ENTR1: variants seen among roughly 807,000 people sequenced by gnomAD.
ENTR1 encodes the protein endosome associated trafficking regulator 1, also known as endosome-associated-trafficking regulator 1.
Under a neutral mutation model 47.9 loss-of-function variants are expected in ENTR1, and 47 were observed. That is an observed-to-expected ratio of 0.98 (90% CI 0.78 to 1.25). The LOEUF is 1.25. ENTR1 is among the 50% of genes most tolerant of loss of function. The pLI, the probability that ENTR1 is intolerant of heterozygous loss-of-function variation, is 0.00. For missense variants in ENTR1, 668 were observed against 570.5 expected, an observed-to-expected ratio of 1.17 and a Z score of -1.74; for synonymous variants, 290 against 245.8, an observed-to-expected ratio of 1.18 and a Z score of -1.68.
At chr9:136,406,908 A>C in intron 5 of ENTR1, 1 of 505,136 alleles carries the variant, frequency 2.0e-6, no homozygotes. Context: ...CAGCCCTGTA[A>C]GTGCCCAACT....
rs543189563 is a variant in ENTR1 at position 136,408,451 on chromosome 9, G to A, written c.290-513C>T. On this transcript the variant is annotated intron_variant, in intron 3 of 9. Transcript: ENST00000357365. ...AAATTAGCCAGGCGTGGTGGTGAGC[G>A]CCTGTAGTCCCAGCTACTCGGGAGG... Among the ~76,000 whole-genome samples, 28 of 152,094 alleles carry A rather than the reference G, an allele frequency of 1.8e-4. 1 individual carries two copies. In the South Asian group the frequency reaches 3.3e-3, roughly 18 times the overall value.
intron 7 of ENTR1, 46 bp from the exon 8 acceptor site, chr9:136,404,739 T>C (rs765172374): frequency 2.5e-6 from 4 of 1,597,954 alleles, no homozygotes; most frequent in Non-Finnish European, 1.7e-6. Flanking sequence ...ACTGATGTCC[T>C]CACATTCATA....
At chr9:136,408,397 T>C (rs1834887576) in intron 3 of ENTR1, among the ~76,000 whole-genome samples, 1 of 151,908 alleles carries the variant, frequency 6.6e-6, no homozygotes, top group Admixed American at 6.6e-5. Context: ...GCTAACACGG[T>C]GAAACCTCAT....
Position 136,407,179 on chromosome 9 carries a change from C to T in ENTR1, c.785G>A (p.Arg262Lys). The T allele has an allele frequency of 5.0e-6, 8 of 1,607,564 alleles. No homozygotes were observed. The highest frequency in any genetic ancestry group is 6.8e-6 in the Non-Finnish European group (8 of 1,175,756). ...ACTTATCTGCAGCGTCCGCAGGTGCCTGTCTCCCAGAGACTCTCCATGAAC... is the reference window on the plus strand; with the variant it reads ...ACTTATCTGCAGCGTCCGCAGGTGCTTGTCTCCCAGAGACTCTCCATGAAC... ...FAVHGESLGD[R>K]HLRTLQISYD... The change falls in exon 5 of 10, where the codon AGG becomes AAG. Residue 262 changes from arginine (R) to lysine (K), a missense_variant. Physicochemically the swap from Arg to Lys is conservative, Grantham distance 26. Coordinates refer to ENST00000357365, the MANE Select transcript of ENTR1 (RefSeq NM_001039707.2).
chr9:136,404,413 A>G (rs1401563405), intron 8 of ENTR1, among the ~76,000 whole-genome samples: 1 of 152,142 alleles, frequency 6.6e-6, no homozygotes. Context: ...GACTCCTACA[A>G]GTGGATGCCC....
At chr9:136,409,846 C>A in intron 2 of ENTR1, 1 of 646,444 alleles carries the variant, frequency 1.5e-6, no homozygotes, top group African/African-American at 1.8e-5. Flanking sequence ...GGAAAGCGGG[C>A]GGGCTCCTGT....
chr9:136,404,574 T>C, intron 8 of ENTR1, 57 bp downstream of exon 8: 3 of 1,569,256 alleles, frequency 1.9e-6, no homozygotes, highest in Non-Finnish European at 2.6e-6. Context: ...TCTTACTGAA[T>C]TCATTATGTG....
In ENTR1 at chr9:136,405,339, G is replaced by A. The variant is rs1185241008; in HGVS notation, c.894-137C>T. 6.3e-5 allele frequency: 42 copies of A among 667,004 alleles called. 1 individual carries two copies. In the South Asian group the frequency reaches 6.6e-4, roughly 10 times the overall value. 41.3% of individuals were successfully genotyped at this position (667,004 alleles called of 1,614,324 possible). A position where few individuals can be genotyped will look rare whatever the true frequency, so the allele number is the denominator to read the frequency against. On this transcript the variant is annotated intron_variant, in intron 6 of 9. Transcript: ENST00000357365. ...TCTCAGGCACAGAGGGGAGGCAGCG[G>A]CAGCCTCAGGCCTGGACCTGTAGCC... is the stretch of plus-strand genomic sequence containing the variant.
intron 8 of ENTR1, 134 bp downstream of exon 8, chr9:136,404,497 T>C (rs892553717): frequency 3.1e-6 from 3 of 971,840 alleles, no homozygotes; most frequent in Non-Finnish European, 4.7e-6. Flanking sequence ...AAGCGGCTGC[T>C]GTCCTCATTT....
At chr9:136,409,273 T>C (rs927720295) in intron 2 of ENTR1, among the ~76,000 whole-genome samples, 3 of 151,582 alleles carry the variant, frequency 2.0e-5, no homozygotes, top group Admixed American at 6.6e-5. Context: ...CTCCGCCTCC[T>C]GGGTTCACGC....
At chr9:136,407,073 G>T in intron 5 of ENTR1, 72 bp downstream of exon 5, 5 of 1,459,144 alleles carry the variant, frequency 3.4e-6, no homozygotes, top group Non-Finnish European at 4.6e-6. Context: ...GAGGTAGGAT[G>T]GCTCCAGGTT....
rs1834524335 is a variant in ENTR1, at chr9:136,402,245, A to G, written c.*543T>C. The G allele has an allele frequency of 6.5e-6, 1 of 153,044 alleles. No individual in the cohort carries two copies. Among genetic ancestry groups the G allele is most frequent in the Non-Finnish European group, 1.5e-5 (1 of 68,524 alleles). The allele number at this position is 153,044 out of a possible 1,614,324, so 9.5% of individuals were successfully genotyped here. On this transcript the variant is annotated 3_prime_UTR_variant, in exon 10 of 10. Transcript: ENST00000357365. ...GTGGGTCCCGGAGGAGGACAGCAGC[A>G]GCCACGCGGTGGCCCCTGCGCACTC...
rs1421230881 is a variant in ENTR1 at position 136,409,895 on chromosome 9, G to T, written c.220+195C>A. On this transcript the variant is annotated intron_variant, in intron 2 of 9. Transcript: ENST00000357365. Reference sequence around the variant, plus strand: ...TAACCATCCTGTACTGGAACTGTCTGTCTTGGGGGAGGTCTCCCCGCAACC... The same window carrying T: ...TAACCATCCTGTACTGGAACTGTCTTTCTTGGGGGAGGTCTCCCCGCAACC... 4 of 748,126 alleles carry T rather than the reference G, an allele frequency of 5.3e-6. No homozygotes were observed. The East Asian group carries it at 1.1e-4, about 20-fold the overall frequency. The allele number at this position is 748,126 out of a possible 1,614,324, so 46.3% of individuals were successfully genotyped here.
chr9:136,403,639 G>A (rs1193306157), intron 9 of ENTR1, among the ~76,000 whole-genome samples: 1 of 152,094 alleles, frequency 6.6e-6, no homozygotes, highest in Non-Finnish European at 1.5e-5. Context: ...TCAGCCCAAT[G>A]GGTGGCAGAC....
intron 6 of ENTR1, among the ~76,000 whole-genome samples, chr9:136,405,553 C>T (rs1251653962): frequency 6.6e-6 from 1 of 152,222 alleles, no homozygotes; most frequent in Non-Finnish European, 1.5e-5. Context: ...GCCTGGGCAA[C>T]ATAGTGAGAC....
At position 136,410,498 on chromosome 9, in the gene ENTR1, C is replaced by T. The variant is rs1224843859; in HGVS notation, c.-101G>A. ...CGGCCCGCGTCGCCCGCCCCCGTCGCCCGCCCCCGTCGCCCGCCGCTCGGC... is the reference window on the plus strand; with the variant it reads ...CGGCCCGCGTCGCCCGCCCCCGTCGTCCGCCCCCGTCGCCCGCCGCTCGGC... On this transcript the variant is annotated 5_prime_UTR_variant, in exon 1 of 10. Transcript: ENST00000357365. 2.4e-5 allele frequency: 23 copies of T among 963,390 alleles called. No homozygotes were observed. The highest frequency in any genetic ancestry group is 1.1e-4 in the Admixed American group (2 of 17,918). The allele number at this position is 963,390 out of a possible 1,614,324, so 59.7% of individuals were successfully genotyped here. A position where few individuals can be genotyped will look rare whatever the true frequency, so the allele number is the denominator to read the frequency against.
intron 2 of ENTR1, among the ~76,000 whole-genome samples, chr9:136,409,393 G>C (rs977790238): frequency 6.6e-6 from 1 of 152,144 alleles, no homozygotes; most frequent in Non-Finnish European, 1.5e-5. Flanking sequence ...CTGTTAGCCA[G>C]GATGGTCTCA....
chr9:136,410,568 C>T lies in ENTR1; in HGVS notation c.-171G>A. On this transcript the variant is annotated 5_prime_UTR_variant, in exon 1 of 10. Coordinates refer to ENST00000357365, the MANE Select transcript of ENTR1 (RefSeq NM_001039707.2). ...CTCTCGCCGCTGCTTCCGCTCCGAG[C>T]ACCGAAAGCGCGTGCCTGAACGCCT... is the stretch of plus-strand genomic sequence containing the variant. 8.6e-7 allele frequency: 1 copy of T among 1,162,696 alleles called. No homozygotes were observed. The highest frequency in any genetic ancestry group is 1.1e-6 in the Non-Finnish European group (1 of 920,756). The allele number at this position is 1,162,696 out of a possible 1,614,324, so 72.0% of individuals were successfully genotyped here.
Position 136,407,896 on chromosome 9 carries a change from A to T in ENTR1, c.332T>A (p.Phe111Tyr), listed in dbSNP as rs934241117. 6 of 1,612,986 alleles carry T rather than the reference A, an allele frequency of 3.7e-6. No individual in the cohort carries two copies. Among genetic ancestry groups the T allele is most frequent in the Non-Finnish European group, 4.2e-6 (5 of 1,179,204 alleles). The change falls in exon 4 of 10, where the codon TTT (phenylalanine) becomes TAT (tyrosine). Residue 111 changes from phenylalanine to tyrosine, a missense_variant. Phe to Tyr is a conservative substitution (Grantham distance 22). Coordinates refer to ENST00000357365, the MANE Select transcript of ENTR1 (RefSeq NM_001039707.2). ...GTTCTTGGTCTTCAGAAACTCTCTA[A>T]AAGAGAATGGATTTGCCTCTTCCAG... ...EDLEEANPFS[F>Y]REFLKTKNLG...
Sources: allele counts gnomAD v4.1 joint callset (sites outside exome capture counted in the v4.1 genomes callset), GRCh38; gene constraint gnomAD v4.1.1; transcripts MANE v1.5; gene names NCBI Gene and HGNC (gene_info 2026-07-23, HGNC 2026-07-21).